The following MMP8 variants were observed in gnomAD, a reference collection of about 807,000 sequenced individuals.
MMP8 encodes neutrophil collagenase.
Under a neutral mutation model 51.2 loss-of-function variants are expected in MMP8, and 67 were observed. The ratio of observed to expected loss-of-function variants is 1.31; its 90% CI spans 1.08 to 1.60. The LOEUF (loss-of-function observed/expected upper bound fraction) is 1.60, where lower values mean the gene tolerates loss of function less well. Ranked by LOEUF, MMP8 falls within the 40% of genes most tolerant of loss-of-function variation. The pLI is 0.00. For synonymous variants in MMP8, 225 were observed against 191.0 expected (o/e 1.18, Z -1.47); for missense variants, 654 against 558.1 (o/e 1.17, Z -1.73).
intron 5 of MMP8, 28 bp from the exon 6 acceptor site, chr11:102,716,447 A>AAG: frequency 8.2e-7 from 1 of 1,224,532 alleles, no homozygotes; most frequent in Non-Finnish European, 1.1e-6. Context: ...AAAAAAAAAA[A>AAG]GGTCTTTCTT....
At chr11:102,715,635 C>T (rs1861270052) in intron 6 of MMP8, among the ~76,000 whole-genome samples, 198 bp from the exon 7 acceptor site, 1 of 152,180 alleles carries the variant, frequency 6.6e-6, no homozygotes, top group African/African-American at 2.4e-5. Context: ...GCAAGTACTT[C>T]ACAGCTTTCA....
At position 102,713,776 on chromosome 11, in the gene MMP8, A is replaced by T. The variant is rs1325759808; in HGVS notation, c.1272T>A (p.Val424=). 2 of 1,607,484 alleles carry T rather than the reference A, an allele frequency of 1.2e-6. No individual in the cohort carries two copies. The highest frequency in any genetic ancestry group is 1.1e-5 in the South Asian group (1 of 89,004). The stretch of plus-strand genomic sequence containing the variant: ...TACGTTCTTGCTGGAAAACTGCATC[A>T]ACTTTACTCTCTATTCCTGGAAAGG... The part of the protein sequence containing the change: ...SGAFPGIESK[V]DAVFQQEHFF... The change falls in exon 9 of 10, where the codon GTT becomes GTA. Residue 424 remains valine, a synonymous_variant. Coordinates refer to ENST00000236826, the MANE Select transcript of MMP8 (RefSeq NM_002424.3).
In MMP8 at chr11:102,715,401, G is replaced by A. The variant is rs530920765; in HGVS notation, c.939C>T (p.Val313=). ...AGAATAGAGAAATAAAATTCATTTC[G>A]ACTCTTTGTAGCTGAGGATGCCTTC... ...FWRRHPQLQR[V]EMNFISLFWP... The change falls in exon 7 of 10, where the codon GTC becomes GTT. Residue 313 remains valine, a synonymous_variant. Transcript: ENST00000236826. 2.1e-5 allele frequency: 34 copies of A among 1,613,516 alleles called. No individual in the cohort carries two copies. Among genetic ancestry groups the A allele is most frequent in the Non-Finnish European group, 2.6e-5 (31 of 1,179,762 alleles).
At chr11:102,718,610 G>A in intron 4 of MMP8, 35 bp from the exon 5 acceptor site, 1 of 1,612,480 alleles carries the variant, frequency 6.2e-7, no homozygotes, top group Non-Finnish European at 8.5e-7. Flanking sequence ...ACAGCTCAGT[G>A]TGGATCCCAG....
At chr11:102,723,960 A>G in intron 1 of MMP8, 1 of 324,318 alleles carries the variant, frequency 3.1e-6, no homozygotes, top group Non-Finnish European at 6.5e-6. Flanking sequence ...AATGAAAATA[A>G]TAATGCTCCA....
intron 5 of MMP8, among the ~76,000 whole-genome samples, chr11:102,717,973 G>A (rs1861348654): frequency 6.6e-6 from 1 of 152,078 alleles, no homozygotes; most frequent in Non-Finnish European, 1.5e-5. Context: ...CAAGTGTGGT[G>A]GTGGGCATCT....
Position 102,716,422 on chromosome 11 carries a change from GGAAAA to G in MMP8, c.785-8_785-4del. The G allele has an allele frequency of 6.1e-6, 3 of 495,822 alleles. No individual in the cohort carries two copies. The highest frequency in any genetic ancestry group is 5.2e-5 in the East Asian group (1 of 19,396). The allele number at this position is 495,822 out of a possible 1,614,324, so 30.7% of individuals were successfully genotyped here. ...TTGGATAGGGTTGCTTGAAAGTCCTGGAAAAAAAAAAAAAAAAAAAAAAAAGGTCT... is the reference window on the plus strand; with the variant it reads ...TTGGATAGGGTTGCTTGAAAGTCCTGAAAAAAAAAAAAAAAAAAAAGGTCT... On this transcript the variant is annotated splice_region_variant and splice_polypyrimidine_tract_variant and intron_variant, in intron 5 of 9. Transcript: ENST00000236826.
Position 102,721,613 on chromosome 11 carries a change from C to A in MMP8, c.496+1G>T, listed in dbSNP as rs982038964. Reference sequence around the variant, plus strand: ...ACTGAGCATGACTGCTTTGTACCTACCTCTTTGGTAAAAAGCAATGTTGAT... The same window carrying A: ...ACTGAGCATGACTGCTTTGTACCTAACTCTTTGGTAAAAAGCAATGTTGAT... On this transcript the variant is annotated splice_donor_variant, in intron 3 of 9. Coordinates refer to ENST00000236826, the MANE Select transcript of MMP8 (RefSeq NM_002424.3). LOFTEE classifies it high-confidence loss of function. 6.2e-7 allele frequency: 1 copy of A among 1,613,608 alleles called. No individual in the cohort carries two copies. Among genetic ancestry groups the A allele is most frequent in the South Asian group, 1.1e-5 (1 of 91,052 alleles).
At chr11:102,721,061 GC>G (rs1450581975) in intron 4 of MMP8, among the ~76,000 whole-genome samples, 2 of 152,160 alleles carry the variant, frequency 1.3e-5, no homozygotes, top group Non-Finnish European at 2.9e-5. Flanking sequence ...TAGAGTGAAA[GC>G]AGCCATTTAT....
At position 102,714,723 on chromosome 11, in the gene MMP8, A is replaced by C. The variant is rs757627827; in HGVS notation, c.1037-14T>G. ...AGTATTGGTTGCCTGTCAATGATTC[A>C]GGTTAAGTGTTAAATACGACTTTTC... On this transcript the variant is annotated splice_polypyrimidine_tract_variant and intron_variant, in intron 7 of 9. Transcript: ENST00000236826. The C allele has an allele frequency of 6.9e-7, 1 of 1,440,884 alleles. No individual in the cohort carries two copies. The highest frequency in any genetic ancestry group is 9.1e-7 in the Non-Finnish European group (1 of 1,095,528). 89.3% of individuals were successfully genotyped at this position (1,440,884 alleles called of 1,614,324 possible). A position where few individuals can be genotyped will look rare whatever the true frequency, so the allele number is the denominator to read the frequency against.
In MMP8 at chr11:102,716,313, G is replaced by C. The variant is rs1939009; in HGVS notation, c.891C>G (p.Phe297Leu). The change falls in exon 6 of 10, where the codon TTC (phenylalanine) becomes TTG (leucine). Residue 297 changes from phenylalanine to leucine, a missense_variant. Coordinates refer to ENST00000236826, the MANE Select transcript of MMP8 (RefSeq NM_002424.3). Reference protein sequence around the residue: ...AITTLRGEILFFKDRYFWRRH... With the variant: ...AITTLRGEILLFKDRYFWRRH... ...TTTCAATTTTATACCTGTCTTTAAA[G>C]AAAAGTATTTCTCCACGGAGTGTGG... is the stretch of plus-strand genomic sequence containing the variant. 6.5e-7 allele frequency: 1 copy of C among 1,540,132 alleles called. No individual in the cohort carries two copies. The highest frequency in any genetic ancestry group is 1.4e-5 in the African/African-American group (1 of 70,850).
chr11:102,716,261 C>T, intron 6 of MMP8, 41 bp downstream of exon 6: 1 of 1,346,748 alleles, frequency 7.4e-7, no homozygotes, highest in Non-Finnish European at 1.1e-6. Flanking sequence ...TAAGGTATGT[C>T]AGTAAGAGGA....
Position 102,722,452 on chromosome 11 carries a change from C to A in MMP8, c.324G>T (p.Trp108Cys), listed in dbSNP as rs75576745. 1.9e-6 allele frequency: 3 copies of A among 1,613,604 alleles called. No individual in the cohort carries two copies. Among genetic ancestry groups the A allele is most frequent in the Non-Finnish European group, 2.5e-6 (3 of 1,179,772 alleles). The change falls in exon 2 of 10, where the codon TGG becomes TGT. Residue 108 changes from tryptophan (W) to cysteine (C), a missense_variant. Coordinates refer to ENST00000236826, the MANE Select transcript of MMP8 (RefSeq NM_002424.3). ...GFMLTPGNPK[W>C]ERTNLTYRIR... ...ACCTGTAGGTCAAGTTAGTGCGTTC[C>A]CACTTGGGGTTTCCTGGGGTTAACA...
chr11:102,723,346 A>G (rs963803517), intron 1 of MMP8: 19 of 359,312 alleles, frequency 5.3e-5, no homozygotes, highest in African/African-American at 3.6e-4. Context: ...ACACAGTGAA[A>G]TGTAACCTAA....
chr11:102,721,865 T>C (rs1192305639), intron 2 of MMP8, 103 bp from the exon 3 acceptor site: 4 of 1,331,220 alleles, frequency 3.0e-6, no homozygotes, highest in African/African-American at 2.9e-5. Context: ...CATGGTGTGC[T>C]ACCACTGGAG....
rs774785778 is a variant in MMP8 at position 102,713,444 on chromosome 11, G to A, written c.1308C>T (p.Val436=). 1 of 1,610,172 alleles carries A rather than the reference G, an allele frequency of 6.2e-7. No homozygotes were observed. The highest frequency in any genetic ancestry group is 2.2e-5 in the East Asian group (1 of 44,826). ...ATGCGTAATATCTTGGTCCACTGAA[G>A]ACATGGAAGAAATCTATAAAAAAAG... ...AVFQQEHFFH[V]FSGPRYYAFD... Residue 436 remains valine (V), a synonymous_variant, in exon 10 of 10, where the codon GTC becomes GTT. Transcript: ENST00000236826.
chr11:102,715,812 A>C (rs1861274595), intron 6 of MMP8, among the ~76,000 whole-genome samples: 1 of 152,252 alleles, frequency 6.6e-6, no homozygotes, highest in African/African-American at 2.4e-5. Context: ...GCACACTCAC[A>C]AAATAGCCAA....
intron 4 of MMP8, among the ~76,000 whole-genome samples, chr11:102,719,615 T>A (rs17099436): frequency 0.067 from 10,227 of 152,322 alleles, 541 homozygotes; most frequent in East Asian, 0.24. Context: ...ACTGCAATGT[T>A]CAACTTCCTG....
At chr11:102,723,030 A>G in intron 1 of MMP8, 2 of 1,294,848 alleles carry the variant, frequency 1.5e-6, no homozygotes, top group Non-Finnish European at 2.0e-6. Context: ...GCATCAGTGC[A>G]GTTCCTCTTT....
Sources: allele counts gnomAD v4.1 joint callset (sites outside exome capture counted in the v4.1 genomes callset), GRCh38; gene constraint gnomAD v4.1.1; transcripts MANE v1.5; gene names NCBI Gene and HGNC (gene_info 2026-07-23, HGNC 2026-07-21).